MID1: variants seen among roughly 807,000 people sequenced by gnomAD.
MID1 encodes midline 1.
In MID1, 7 loss-of-function variants were observed where a neutral mutation model predicts 40.4. The observed-to-expected ratio is 0.17, with a 90% CI of 0.10 to 0.33. MID1 has a LOEUF of 0.33. Among genes scored for constraint, MID1 ranks in the 10% least tolerant of loss-of-function variants. The pLI, the probability that MID1 is intolerant of heterozygous loss-of-function variation, is 1.00. For synonymous variants in MID1, 229 were observed against 221.2 expected (o/e 1.04, Z -0.31); for missense variants, 367 against 558.5 (o/e 0.66, Z 3.46).
chrX:10,636,319 A>G (rs60133421), intron 1 of MID1, among the ~76,000 whole-genome samples: 142 of 112,095 alleles, frequency 1.3e-3, no homozygotes, highest in African/African-American at 4.3e-3. Context: ...ACAGAACAAG[A>G]TTAAGAGTTT....
intron 1 of MID1, among the ~76,000 whole-genome samples, chrX:10,703,613 G>T (rs1323857044): frequency 8.9e-6 from 1 of 111,927 alleles, no homozygotes; most frequent in Non-Finnish European, 1.9e-5. Flanking sequence ...GTTGCAGTGA[G>T]CTGAGATCAT....
At chrX:10,481,706 A>C (rs1344367588) in intron 5 of MID1, among the ~76,000 whole-genome samples, 2 of 111,998 alleles carry the variant, frequency 1.8e-5, no homozygotes, top group Non-Finnish European at 3.8e-5. Context: ...TTGGCCTCCC[A>C]AAGTGCTGGG....
intron 1 of MID1, among the ~76,000 whole-genome samples, chrX:10,713,467 G>A (rs1027176483): frequency 9.1e-6 from 1 of 110,412 alleles, no homozygotes; most frequent in Non-Finnish European, 1.9e-5. Context: ...GGAACTACAG[G>A]CATGCACTAC....
At chrX:10,721,359 G>C (rs1769207185) in intron 1 of MID1, among the ~76,000 whole-genome samples, 1 of 110,542 alleles carries the variant, frequency 9.0e-6, no homozygotes, top group African/African-American at 3.3e-5. Context: ...GAATTAAAGA[G>C]TAATTAATAC....
intron 1 of MID1, among the ~76,000 whole-genome samples, chrX:10,786,362 T>G (rs2147136115): frequency 9.0e-6 from 1 of 110,986 alleles, no homozygotes; most frequent in African/African-American, 3.3e-5. Flanking sequence ...ACTTTTACAC[T>G]GTTGGTAGGA....
At chrX:10,807,674 G>C (rs1423127303) in intron 1 of MID1, among the ~76,000 whole-genome samples, 2 of 112,232 alleles carry the variant, frequency 1.8e-5, no homozygotes. Context: ...CTCACACTTT[G>C]AATCTCTATG....
chrX:10,689,238 C>T (rs2043117744), intron 1 of MID1, among the ~76,000 whole-genome samples: 1 of 111,696 alleles, frequency 9.0e-6, no homozygotes, highest in Non-Finnish European at 1.9e-5. Flanking sequence ...ACTCACAGTT[C>T]TGCATGGCTG....
intron 4 of MID1, among the ~76,000 whole-genome samples, chrX:10,487,031 TTTA>T (rs1484719457): frequency 9.0e-6 from 1 of 111,451 alleles, no homozygotes; most frequent in East Asian, 2.8e-4. Flanking sequence ...TATTTTTATT[TTTA>T]TTTTTTGTAG....
chrX:10,502,991 C>T (rs1462697886), intron 3 of MID1, among the ~76,000 whole-genome samples: 1 of 111,778 alleles, frequency 8.9e-6, no homozygotes, highest in African/African-American at 3.2e-5. Context: ...GAGTTAATTC[C>T]AATTTGCCCA....
rs750579441 is a variant in MID1 at position 10,658,565 on chromosome X, T to C, written c.-186-38146A>G. Among the ~76,000 whole-genome samples, 25 of 106,577 alleles carry C rather than the reference T, an allele frequency of 2.3e-4. 1 individual carries two copies. In the South Asian group the frequency reaches 3.4e-3, roughly 15 times the overall value. 92.5% of individuals were successfully genotyped at this position (106,577 alleles called of 115,157 possible). On this transcript the variant is annotated intron_variant, in intron 1 of 10. Transcript: ENST00000380785. Reference sequence around the variant, plus strand: ...TGCTCAGCCTTTTGAGTAGGCTAAATATTAGAGGCACTCCAACTCAGGAGG... The same window carrying C: ...TGCTCAGCCTTTTGAGTAGGCTAAACATTAGAGGCACTCCAACTCAGGAGG...
At chrX:10,575,721 T>C (rs759471598) in intron 1 of MID1, among the ~76,000 whole-genome samples, 11 of 111,016 alleles carry the variant, frequency 9.9e-5, no homozygotes, top group Admixed American at 1.9e-4. Flanking sequence ...GGGGATCCAG[T>C]TGGATTTAAC....
intron 2 of MID1, among the ~76,000 whole-genome samples, chrX:10,533,365 AAAG>A (rs1206298344): frequency 3.6e-4 from 29 of 79,665 alleles, no homozygotes; most frequent in African/African-American, 1.5e-3. Flanking sequence ...AGAAAGAAAG[AAAG>A]AAAGAAAGAA....
chrX:10,680,309 A>G (rs1335185588), intron 1 of MID1, among the ~76,000 whole-genome samples: 1 of 112,007 alleles, frequency 8.9e-6, no homozygotes, highest in Non-Finnish European at 1.9e-5. Flanking sequence ...AAGTTATCTT[A>G]CCATGAAGAG....
At chrX:10,522,687 G>A (rs913548006) in intron 3 of MID1, among the ~76,000 whole-genome samples, 2 of 111,348 alleles carry the variant, frequency 1.8e-5, no homozygotes, top group Admixed American at 1.9e-4. Context: ...TAGTAGAGAC[G>A]GGGTTTCACT....
intron 1 of MID1, among the ~76,000 whole-genome samples, chrX:10,636,784 G>GTATATATATATATATA (rs1198448070): frequency 5.4e-3 from 66 of 12,152 alleles, no homozygotes; most frequent in Middle Eastern, 0.091. Context: ...CCAACAATGG[G>GTATATATATATATATA]GATATATATA....
intron 2 of MID1, among the ~76,000 whole-genome samples, chrX:10,533,386 GAAAGAAA>G: frequency 1.9e-5 from 1 of 52,177 alleles, no homozygotes; most frequent in South Asian, 1.6e-3. Flanking sequence ...GAAAAAGAAA[GAAAGAAA>G]AGAAAGAAAG....
intron 7 of MID1, chrX:10,469,294 G>C: frequency 2.3e-6 from 2 of 884,932 alleles, no homozygotes; most frequent in Non-Finnish European, 2.8e-6. Context: ...GGTTGCCCAG[G>C]GTTTATAGTT....
At chrX:10,584,444 A>T (rs1935091467) in intron 1 of MID1, among the ~76,000 whole-genome samples, 1 of 111,964 alleles carries the variant, frequency 8.9e-6, no homozygotes, top group African/African-American at 3.3e-5. Flanking sequence ...TGGAAGAGGC[A>T]TTGGTTTTGT....
intron 1 of MID1, among the ~76,000 whole-genome samples, chrX:10,597,282 T>C (rs1451728769): frequency 9.0e-6 from 1 of 111,716 alleles, no homozygotes; most frequent in African/African-American, 3.2e-5. Flanking sequence ...ACGTTTTGTT[T>C]TGCAAGTTGT....
Sources: allele counts gnomAD v4.1 joint callset (sites outside exome capture counted in the v4.1 genomes callset), GRCh38; gene constraint gnomAD v4.1.1; transcripts MANE v1.5; gene names NCBI Gene and HGNC (gene_info 2026-07-23, HGNC 2026-07-21).